The following RBBP5 variants were observed in gnomAD, a reference collection of about 807,000 sequenced individuals.
RBBP5 encodes the protein RB binding protein 5, histone lysine methyltransferase complex subunit.
Under a neutral mutation model 72.2 loss-of-function variants are expected in RBBP5, and 5 were observed. The observed-to-expected ratio is 0.07, with a 90% confidence interval of 0.04 to 0.15. The LOEUF is 0.15. Ranked by LOEUF, RBBP5 falls within the 10% of genes least tolerant of loss-of-function variation. The pLI is 1.00. For synonymous variants in RBBP5, 209 were observed against 237.2 expected, an observed-to-expected ratio of 0.88 and a Z score of 1.09; for missense variants, 322 against 652.2, an observed-to-expected ratio of 0.49 and a Z score of 5.51.
chr1:205,116,808 C>T (rs954964569), intron 1 of RBBP5, among the ~76,000 whole-genome samples: 2 of 152,014 alleles, frequency 1.3e-5, no homozygotes, highest in Non-Finnish European at 2.9e-5. Context: ...AACAAGACTC[C>T]GTCTCAAAAC....
At chr1:205,113,167 G>A (rs1338121023) in intron 3 of RBBP5, among the ~76,000 whole-genome samples, 1 of 152,070 alleles carries the variant, frequency 6.6e-6, no homozygotes, top group Non-Finnish European at 1.5e-5. Flanking sequence ...GTAGTATCTG[G>A]TTAGGAGGAC....
intron 13 of RBBP5, among the ~76,000 whole-genome samples, chr1:205,089,481 G>A (rs1421159657): frequency 6.6e-6 from 1 of 152,194 alleles, no homozygotes; most frequent in Non-Finnish European, 1.5e-5. Flanking sequence ...ACTAGGAAGT[G>A]TAAAAAGAGA....
Position 205,099,024 on chromosome 1 carries a change from A to G in RBBP5, c.1061T>C (p.Ile354Thr). The G allele has an allele frequency of 6.2e-7, 1 of 1,611,532 alleles. No homozygotes were observed. Among genetic ancestry groups the G allele is most frequent in the Non-Finnish European group, 8.5e-7 (1 of 1,179,150 alleles). The change falls in exon 10 of 14, where the codon ATT becomes ACT. Residue 354 changes from isoleucine (I) to threonine (T), a missense_variant. Physicochemically the swap from Ile to Thr is moderately conservative, Grantham distance 89 (BLOSUM62 -1). Coordinates refer to ENST00000264515, the MANE Select transcript of RBBP5 (RefSeq NM_005057.4). This position sits in a 1 kb window ranked among gnomAD's most constrained non-coding sequence, Gnocchi z 4.7. ...EYEERESEFDIEDEDKSEPEQ... is the reference protein window; with the variant it reads ...EYEERESEFDTEDEDKSEPEQ... ...AGGCTCACTCTTATCTTCATCTTCA[A>G]TATCAAACTCTGATTCCCTTTCTTC...
At chr1:205,118,568 G>A (rs1000761860) in intron 1 of RBBP5, among the ~76,000 whole-genome samples, 5 of 152,060 alleles carry the variant, frequency 3.3e-5, no homozygotes, top group African/African-American at 4.8e-5. Flanking sequence ...AGCCAAGATC[G>A]CCAAGATCAT....
At position 205,121,971 on chromosome 1, in the gene RBBP5, A is replaced by G. The variant is rs1656756023; in HGVS notation, c.-98T>C. ...CGTCTAAGTGGTGGACGCCGCGAAG[A>G]GACTGGCGCAAGCTCCGAAGACTTT... On this transcript the variant is annotated 5_prime_UTR_variant, in exon 1 of 14. Coordinates refer to ENST00000264515, the MANE Select transcript of RBBP5 (RefSeq NM_005057.4). 6.4e-7 allele frequency: 1 copy of G among 1,565,886 alleles called. No homozygotes were observed. Among genetic ancestry groups the G allele is most frequent in the Non-Finnish European group, 8.7e-7 (1 of 1,154,104 alleles).
intron 4 of RBBP5, 23 bp from the exon 5 acceptor site, chr1:205,104,042 C>T: frequency 6.3e-7 from 1 of 1,598,308 alleles, no homozygotes; most frequent in Non-Finnish European, 8.6e-7. Context: ...ACGAACAGTA[C>T]ATTGGCTGTT....
chr1:205,116,063 T>C, intron 1 of RBBP5, 180 bp from the exon 2 acceptor site: 1 of 1,289,376 alleles, frequency 7.8e-7, no homozygotes, highest in Non-Finnish European at 1.1e-6. Flanking sequence ...TTTACTCTCA[T>C]TATCTCGGAA....
chr1:205,114,390 A>G (rs1228552318), intron 3 of RBBP5, among the ~76,000 whole-genome samples: 1 of 152,216 alleles, frequency 6.6e-6, no homozygotes, highest in Non-Finnish European at 1.5e-5. Flanking sequence ...TATTTCATTG[A>G]AGGAATAGTC....
chr1:205,110,245 C>G (rs1313381389), intron 3 of RBBP5, among the ~76,000 whole-genome samples: 2 of 152,032 alleles, frequency 1.3e-5, no homozygotes, highest in Non-Finnish European at 2.9e-5. Flanking sequence ...GTCTCGAACT[C>G]CTGACCTCAA....
In RBBP5 at chr1:205,099,112, C is replaced by T. The variant is rs756723042; in HGVS notation, c.979-6G>A. Reference sequence around the variant, plus strand: ...GCAAATGCACTCCAGTTTTCCTATACAACAAGATATACTACTTAACCATAT... The same window carrying T: ...GCAAATGCACTCCAGTTTTCCTATATAACAAGATATACTACTTAACCATAT... On this transcript the variant is annotated splice_polypyrimidine_tract_variant and splice_region_variant and intron_variant, in intron 9 of 13. Transcript: ENST00000264515. This position sits in a 1 kb window ranked among gnomAD's most constrained non-coding sequence, Gnocchi z 4.7. 10 of 1,553,360 alleles carry T rather than the reference C, an allele frequency of 6.4e-6. No homozygotes were observed. Among genetic ancestry groups the T allele is most frequent in the African/African-American group, 2.7e-5 (2 of 73,316 alleles).
chr1:205,120,111 A>G (rs547419516), intron 1 of RBBP5, among the ~76,000 whole-genome samples: 3 of 152,236 alleles, frequency 2.0e-5, no homozygotes, highest in African/African-American at 7.2e-5. Flanking sequence ...TATGCAATCT[A>G]TTCTCAAATT....
At chr1:205,091,331 A>C (rs758041267) in intron 13 of RBBP5, 2 of 152,238 alleles carry the variant, frequency 1.3e-5, no homozygotes, top group Non-Finnish European at 2.9e-5. Flanking sequence ...GAGAGTATTT[A>C]AAGTAACTAA....
chr1:205,120,688 A>T (rs1656701957), intron 1 of RBBP5, among the ~76,000 whole-genome samples: 1 of 152,116 alleles, frequency 6.6e-6, no homozygotes, highest in Admixed American at 6.5e-5. Flanking sequence ...AGGCTGAGGC[A>T]CGAGAATCAC....
In RBBP5 at chr1:205,088,738, G is replaced by A. The variant is rs1165730816; in HGVS notation, c.*49C>T. On this transcript the variant is annotated 3_prime_UTR_variant, in exon 14 of 14. Transcript: ENST00000264515. ...TTCAAATGACTGACCACAGTGTCCA[G>A]AGGCCACATGATGGCAAAGTGAGAA... 5.2e-6 allele frequency: 8 copies of A among 1,545,354 alleles called. No individual in the cohort carries two copies. In the South Asian group the frequency reaches 9.1e-5, roughly 18 times the overall value.
intron 1 of RBBP5, among the ~76,000 whole-genome samples, chr1:205,117,071 A>T (rs978392288): frequency 6.0e-5 from 9 of 150,792 alleles, no homozygotes; most frequent in Non-Finnish European, 8.9e-5. Flanking sequence ...TGTTTGTTTG[A>T]GACGGAGTCT....
At chr1:205,114,595 T>C (rs1219560513) in intron 3 of RBBP5, among the ~76,000 whole-genome samples, 194 bp downstream of exon 3, 3 of 152,140 alleles carry the variant, frequency 2.0e-5, no homozygotes, top group Admixed American at 6.6e-5. Flanking sequence ...AGATCCATAA[T>C]ACAATGAATT....
chr1:205,115,024 A>G (rs1656466328), intron 2 of RBBP5, 63 bp from the exon 3 acceptor site: 5 of 1,411,834 alleles, frequency 3.5e-6, no homozygotes, highest in Middle Eastern at 2.1e-4. Flanking sequence ...ATTATTTCCT[A>G]AAGGTTCTTT....
Position 205,087,602 on chromosome 1 carries a change from C to T in RBBP5, c.*1185G>A, listed in dbSNP as rs1332645332. The T allele has an allele frequency of 1.4e-5, 2 of 146,138 alleles. No homozygotes were observed. Among genetic ancestry groups the T allele is most frequent in the Non-Finnish European group, 3.0e-5 (2 of 66,626 alleles). 9.1% of individuals were successfully genotyped at this position (146,138 alleles called of 1,614,324 possible). A position where few individuals can be genotyped will look rare whatever the true frequency, so the allele number is the denominator to read the frequency against. On this transcript the variant is annotated 3_prime_UTR_variant, in exon 14 of 14. Coordinates refer to ENST00000264515, the MANE Select transcript of RBBP5 (RefSeq NM_005057.4). ...ACGATCCAGATTAAGCACTTCCAGTCAGCTAAAAACGCCACTCAGAGAAGC... is the reference window on the plus strand; with the variant it reads ...ACGATCCAGATTAAGCACTTCCAGTTAGCTAAAAACGCCACTCAGAGAAGC...
At chr1:205,112,377 G>A (rs776768964) in intron 3 of RBBP5, among the ~76,000 whole-genome samples, 13 of 152,270 alleles carry the variant, frequency 8.5e-5, no homozygotes, top group South Asian at 2.1e-4. Flanking sequence ...TTTTCTGACC[G>A]TTATTCCCCT....
Sources: gnomAD v4.1 joint callset for allele counts (sites outside exome capture counted in the v4.1 genomes callset) on GRCh38, gnomAD v4.1.1 for gene constraint, Gnocchi (gnomAD v3.1) non-coding constraint, MANE v1.5 for transcripts, NCBI Gene and HGNC (gene_info 2026-07-23, HGNC 2026-07-21) for gene names.